RPH3A: variants seen among roughly 807,000 people sequenced by gnomAD.
The protein encoded by RPH3A is rabphilin-3A.
Under a neutral mutation model 102.2 loss-of-function variants are expected in RPH3A, and 48 were observed. The ratio of observed to expected loss-of-function variants is 0.47; its 90% CI spans 0.37 to 0.60. The LOEUF is 0.60. Among genes scored for constraint, RPH3A ranks in the 20% least tolerant of loss-of-function variants. RPH3A has a pLI of 0.00. For synonymous variants in RPH3A, 310 were observed against 324.3 expected (o/e 0.96, Z 0.47); for missense variants, 781 against 910.1 (o/e 0.86, Z 1.83).
chr12:112,856,364 G>A (rs3782872), intron 5 of RPH3A, among the ~76,000 whole-genome samples: 6,462 of 152,302 alleles, frequency 0.042, 272 homozygotes, highest in African/African-American at 0.11. Context: ...CCTCCACTGA[G>A]CTTATGACCT....
chr12:112,635,267 T>C (rs1019625093), intron 1 of RPH3A, among the ~76,000 whole-genome samples: 1 of 152,218 alleles, frequency 6.6e-6, no homozygotes, highest in African/African-American at 2.4e-5. Context: ...CTATGGGCTG[T>C]TGTTTGGTAT....
chr12:112,615,960 A>G (rs2039675664), intron 1 of RPH3A, among the ~76,000 whole-genome samples: 1 of 152,116 alleles, frequency 6.6e-6, no homozygotes, highest in Admixed American at 6.6e-5. Flanking sequence ...GGGGGCACTG[A>G]GGTCTGGATC....
intron 1 of RPH3A, among the ~76,000 whole-genome samples, chr12:112,723,157 A>T (rs1030691513): frequency 6.6e-6 from 1 of 152,138 alleles, no homozygotes; most frequent in Non-Finnish European, 1.5e-5. Flanking sequence ...GATTAGGGGA[A>T]CTGACAACTC....
chr12:112,820,401 A>T lies in RPH3A; in HGVS notation c.-18-7900A>T, dbSNP rs556810260. Among the ~76,000 whole-genome samples the T allele has an allele frequency of 7.9e-5, 12 of 152,370 alleles. No individual in the cohort carries two copies. The South Asian group carries it at 2.5e-3, about 32-fold the overall frequency. ...ACAACAATCCTGGAGGCAGCATAGT[A>T]GAGTGATTAAACATGCAACATTGCA... On this transcript the variant is annotated intron_variant, in intron 2 of 21. Coordinates refer to ENST00000389385, the MANE Select transcript of RPH3A (RefSeq NM_001143854.2).
intron 1 of RPH3A, among the ~76,000 whole-genome samples, chr12:112,713,679 G>C (rs954327302): frequency 6.6e-6 from 1 of 152,186 alleles, no homozygotes; most frequent in African/African-American, 2.4e-5. Context: ...AGTCCCACCA[G>C]CTGGCAGTGT....
At chr12:112,787,797 T>A (rs1481701738), upstream of RPH3A, among the ~76,000 whole-genome samples, 1 of 152,202 alleles carries the variant, frequency 6.6e-6, no homozygotes, top group Non-Finnish European at 1.5e-5. Flanking sequence ...ATACAAATTG[T>A]GCAGGAGGTA....
intron 2 of RPH3A, among the ~76,000 whole-genome samples, chr12:112,814,188 C>A (rs1404357333): frequency 6.6e-6 from 1 of 151,812 alleles, no homozygotes; most frequent in Non-Finnish European, 1.5e-5. Flanking sequence ...CCTTTCCTGG[C>A]CCATCTTAGG....
chr12:112,647,720 G>A (rs1363208579), intron 1 of RPH3A, among the ~76,000 whole-genome samples: 1 of 152,150 alleles, frequency 6.6e-6, no homozygotes, highest in East Asian at 1.9e-4. Flanking sequence ...ATACATAGGG[G>A]GAAGAGCAGG....
rs182012080 is a variant in RPH3A at position 112,712,907 on chromosome 12, T to C, written c.-139-79236T>C. Among the ~76,000 whole-genome samples, 239 of 104,408 alleles carry C rather than the reference T, an allele frequency of 2.3e-3. 5 individuals carry two copies. The highest frequency in any genetic ancestry group is 0.01 in the African/African-American group (224 of 21,808). 68.5% of individuals were successfully genotyped at this position (104,408 alleles called of 152,430 possible). A position where few individuals can be genotyped will look rare whatever the true frequency, so the allele number is the denominator to read the frequency against. On this transcript the variant is annotated intron_variant, in intron 1 of 21. Coordinates refer to the RPH3A transcript ENST00000543106. ...CTTCTTCTTCTTCTTCTTCTTCCTC[T>C]TCTTCTTCTTCTTCTTCCTCTTCTT...
Position 112,876,694 on chromosome 12 carries a change from A to T in RPH3A, c.999A>T (p.Thr333=), listed in dbSNP as rs886783996. ...GTTAPPREER[T]GGVGGYPAVG... ...CTGCCCCACCCCGAGAGGAGAGAACAGGGGGAGTCGGGGGCTACCCAGCAG... is the reference window on the plus strand; with the variant it reads ...CTGCCCCACCCCGAGAGGAGAGAACTGGGGGAGTCGGGGGCTACCCAGCAG... Residue 333 remains threonine (T), a synonymous_variant, in exon 13 of 22, where the codon ACA becomes ACT. Transcript: ENST00000389385. 4.3e-6 allele frequency: 7 copies of T among 1,613,284 alleles called. No homozygotes were observed. Among genetic ancestry groups the T allele is most frequent in the Non-Finnish European group, 5.9e-6 (7 of 1,179,722 alleles).
At position 112,896,868 on chromosome 12, in the gene RPH3A, C is replaced by A. The variant is rs1593143043; in HGVS notation, c.*88C>A. The A allele has an allele frequency of 6.9e-7, 1 of 1,443,852 alleles. No individual in the cohort carries two copies. The highest frequency in any genetic ancestry group is 2.3e-5 in the East Asian group (1 of 43,022). 89.4% of individuals were successfully genotyped at this position (1,443,852 alleles called of 1,614,324 possible). On this transcript the variant is annotated 3_prime_UTR_variant, in exon 22 of 22. Transcript: ENST00000389385. The stretch of plus-strand genomic sequence containing the variant: ...CGCACCCTGATCTCTCTTCTCTATG[C>A]CTACCTCCCCCCATACCCTGCTGAT...
chr12:112,741,628 G>C (rs2040710178), intron 1 of RPH3A, among the ~76,000 whole-genome samples: 1 of 152,190 alleles, frequency 6.6e-6, no homozygotes, highest in Non-Finnish European at 1.5e-5. Flanking sequence ...AAGTTGGAGA[G>C]AGAGAGCTGT....
rs1473631174 is a variant in RPH3A at position 112,879,382 on chromosome 12, A to G, written c.1251+184A>G. 3.9e-5 allele frequency among the ~76,000 whole-genome samples: 6 copies of G among 152,318 alleles called. No homozygotes were observed. The East Asian group carries it at 9.7e-4, about 25-fold the overall frequency. Reference sequence around the variant, plus strand: ...TCTGGGAGGCCTTCCTCCTCCAGGGATCGTCCCAGAGGGGTTTCACTTATC... The same window carrying G: ...TCTGGGAGGCCTTCCTCCTCCAGGGGTCGTCCCAGAGGGGTTTCACTTATC... On this transcript the variant is annotated intron_variant, in intron 14 of 21. Transcript: ENST00000389385.
rs532252998 is a variant in RPH3A at position 112,616,780 on chromosome 12, G to A, written c.-140+41461G>A. ...AGTATCCACCCAGAGTGATGGACAGGAGTGATCAGCTGTCAGATGCCTTAA... is the reference window on the plus strand; with the variant it reads ...AGTATCCACCCAGAGTGATGGACAGAAGTGATCAGCTGTCAGATGCCTTAA... On this transcript the variant is annotated intron_variant, in intron 1 of 21. Transcript: ENST00000543106. 1.4e-4 allele frequency among the ~76,000 whole-genome samples: 21 copies of A among 152,332 alleles called. No homozygotes were observed. In the South Asian group the frequency reaches 4.3e-3, roughly 32 times the overall value.
At chr12:112,876,959 TC>T in intron 13 of RPH3A, 93 bp downstream of exon 13, 1 of 846,080 alleles carries the variant, frequency 1.2e-6, no homozygotes, top group Non-Finnish European at 1.8e-6. Flanking sequence ...GCCCTGTCTA[TC>T]CCCAGACCCC....
intron 4 of RPH3A, among the ~76,000 whole-genome samples, chr12:112,840,925 T>C (rs1241591383): frequency 1.3e-5 from 2 of 151,974 alleles, no homozygotes; most frequent in Non-Finnish European, 2.9e-5. Context: ...CTGGTGGAAA[T>C]GTGCTTGTTT....
At chr12:112,644,110 TAG>T (rs1486052200) in intron 1 of RPH3A, among the ~76,000 whole-genome samples, 2 of 152,158 alleles carry the variant, frequency 1.3e-5, no homozygotes, top group Non-Finnish European at 1.5e-5. Flanking sequence ...CACATGGGCG[TAG>T]AGAGTGGAAT....
In RPH3A at chr12:112,673,602, G is replaced by T. The variant is rs145120262; in HGVS notation, c.-140+98283G>T. On this transcript the variant is annotated intron_variant, in intron 1 of 21. Coordinates refer to the RPH3A transcript ENST00000543106. The stretch of plus-strand genomic sequence containing the variant: ...ATTTATGGGGTACATGAGATGTTTT[G>T]ATACAGGCATGCAATGTGAAATAAA... 4.7e-3 allele frequency among the ~76,000 whole-genome samples: 716 copies of T among 152,118 alleles called. 9 individuals are homozygous for T. Among genetic ancestry groups the T allele is most frequent in the African/African-American group, 0.017 (699 of 41,480 alleles).
intron 19 of RPH3A, chr12:112,894,141 C>T (rs758566981): frequency 1.2e-4 from 23 of 192,954 alleles, no homozygotes; most frequent in Middle Eastern, 1.9e-3. Context: ...CACCCAGCCT[C>T]TCTCTAGGGA....
Sources: gnomAD v4.1 joint callset for allele counts (sites outside exome capture counted in the v4.1 genomes callset) on GRCh38, gnomAD v4.1.1 for gene constraint, MANE v1.5 for transcripts, NCBI Gene and HGNC (gene_info 2026-07-23, HGNC 2026-07-21) for gene names.